The following FMN1 variants were observed in gnomAD, a reference collection of about 807,000 sequenced individuals.
The protein encoded by FMN1 is formin-1.
FMN1 carries 110 observed loss-of-function variants against 132.4 expected under a neutral mutation model. That is an observed-to-expected ratio of 0.83 (90% CI 0.71 to 0.97). The LOEUF (loss-of-function observed/expected upper bound fraction) is 0.97, where lower values mean the gene tolerates loss of function less well. Among genes scored for constraint, FMN1 ranks in the 50% least tolerant of loss-of-function variants. FMN1 has a pLI of 0.00. For missense variants in FMN1, 1,792 were observed against 1,705.3 expected, an observed-to-expected ratio of 1.05 and a Z score of -0.90; for synonymous variants, 722 against 651.7, an observed-to-expected ratio of 1.11 and a Z score of -1.64.
At position 33,192,075 on chromosome 15, in the gene FMN1, A is replaced by G. The variant is rs1175199296; in HGVS notation, c.-197+1834T>C. Among the ~76,000 whole-genome samples the G allele has an allele frequency of 2.6e-5, 4 of 152,264 alleles. 1 individual carries two copies. The highest frequency in any genetic ancestry group is 2.0e-4 in the Admixed American group (3 of 15,290). On this transcript the variant is annotated intron_variant, in intron 2 of 20. Coordinates refer to ENST00000616417, the MANE Select transcript of FMN1 (RefSeq NM_001277313.2). ...CATCACTGCAAGATATGAAATATCCATTATGAACTTTTACACTGATACGAA... is the reference window on the plus strand; with the variant it reads ...CATCACTGCAAGATATGAAATATCCGTTATGAACTTTTACACTGATACGAA...
chr15:33,140,831 T>C (rs974434423), intron 4 of FMN1, among the ~76,000 whole-genome samples: 3 of 152,184 alleles, frequency 2.0e-5, no homozygotes, highest in Non-Finnish European at 4.4e-5. Flanking sequence ...AAAGGTAGAA[T>C]ATAAATTTGA....
chr15:32,997,403 G>A (rs776787575), intron 7 of FMN1, among the ~76,000 whole-genome samples: 1 of 150,724 alleles, frequency 6.6e-6, no homozygotes, highest in Non-Finnish European at 1.5e-5. Flanking sequence ...GACACAGGAC[G>A]AGAGAAAAAA....
At chr15:32,793,753 T>C (rs1189098782) in intron 19 of FMN1, among the ~76,000 whole-genome samples, 1 of 152,206 alleles carries the variant, frequency 6.6e-6, no homozygotes, top group Non-Finnish European at 1.5e-5. Context: ...AGCTCTTTAG[T>C]GGTTAAATGA....
intron 6 of FMN1, among the ~76,000 whole-genome samples, chr15:33,014,336 G>A (rs12899665): frequency 0.11 from 17,377 of 152,238 alleles, 1,175 homozygotes; most frequent in Middle Eastern, 0.19. Context: ...GGAGGCAGAG[G>A]TGTCAACTCA....
chr15:32,866,957 G>T (rs908199972), intron 16 of FMN1, among the ~76,000 whole-genome samples: 1 of 152,136 alleles, frequency 6.6e-6, no homozygotes, highest in Non-Finnish European at 1.5e-5. Flanking sequence ...AAGTTCTCTA[G>T]GGTTTGGCAT....
intron 4 of FMN1, among the ~76,000 whole-genome samples, chr15:33,116,186 G>T (rs75833178): frequency 6.6e-6 from 1 of 152,264 alleles, no homozygotes; most frequent in South Asian, 2.1e-4. Flanking sequence ...ACAGAAAAAA[G>T]ATGTAAACGT....
intron 7 of FMN1, among the ~76,000 whole-genome samples, chr15:33,006,267 G>A (rs1448625624): frequency 6.6e-6 from 1 of 152,002 alleles, no homozygotes; most frequent in Non-Finnish European, 1.5e-5. Flanking sequence ...ACATACAAAA[G>A]GGTCAACCAA....
intron 4 of FMN1, among the ~76,000 whole-genome samples, chr15:33,137,851 A>G (rs1220463712): frequency 6.6e-6 from 1 of 152,144 alleles, no homozygotes; most frequent in Admixed American, 6.5e-5. Flanking sequence ...GTTACAAGGC[A>G]CAGTCATGAA....
chr15:32,916,849 A>C (rs2060696667), intron 10 of FMN1, among the ~76,000 whole-genome samples: 1 of 152,202 alleles, frequency 6.6e-6, no homozygotes, highest in Admixed American at 6.5e-5. Context: ...GGTATTTTTC[A>C]GAACTCGACA....
At chr15:33,191,759 C>G (rs764378615) in intron 2 of FMN1, among the ~76,000 whole-genome samples, 14 of 152,208 alleles carry the variant, frequency 9.2e-5, no homozygotes, top group Non-Finnish European at 1.9e-4. Context: ...AGCACTTCAG[C>G]ACAGACACTA....
chr15:33,134,129 T>C lies in FMN1; in HGVS notation c.1867+18919A>G, dbSNP rs1330700225. 2.0e-5 allele frequency among the ~76,000 whole-genome samples: 3 copies of C among 152,028 alleles called. No homozygotes were observed. In the East Asian group the frequency reaches 5.8e-4, roughly 29 times the overall value. On this transcript the variant is annotated intron_variant, in intron 4 of 20. Coordinates refer to ENST00000616417, the MANE Select transcript of FMN1 (RefSeq NM_001277313.2). The stretch of plus-strand genomic sequence containing the variant: ...TGCCCAGCTAATTTTTTGTATTTTC[T>C]GTAGAGATAGGGTTTTGCCATGCTG...
intron 9 of FMN1, among the ~76,000 whole-genome samples, chr15:32,939,325 T>A (rs2061350203): frequency 6.6e-6 from 1 of 152,004 alleles, no homozygotes; most frequent in Non-Finnish European, 1.5e-5. Context: ...TATATACCCA[T>A]TACCGAAGAA....
At chr15:32,935,143 A>G (rs1192700630) in intron 9 of FMN1, among the ~76,000 whole-genome samples, 2 of 152,078 alleles carry the variant, frequency 1.3e-5, no homozygotes, top group African/African-American at 4.8e-5. Flanking sequence ...GGCTGGTCTC[A>G]AACTCCTGAC....
chr15:32,933,376 G>T (rs968055955), intron 9 of FMN1, among the ~76,000 whole-genome samples: 6 of 152,108 alleles, frequency 3.9e-5, no homozygotes, highest in African/African-American at 1.4e-4. Flanking sequence ...ATTTGTTAAG[G>T]CTTGTTTTCT....
At chr15:33,077,588 C>T (rs1441500942) in intron 5 of FMN1, among the ~76,000 whole-genome samples, 3 of 151,668 alleles carry the variant, frequency 2.0e-5, no homozygotes, top group African/African-American at 7.3e-5. Flanking sequence ...CTGTTCAATT[C>T]CCATCCATGA....
chr15:33,053,482 C>G (rs2037073442), intron 6 of FMN1, among the ~76,000 whole-genome samples: 1 of 152,090 alleles, frequency 6.6e-6, no homozygotes, highest in African/African-American at 2.4e-5. Flanking sequence ...GACGGGGTGC[C>G]CCTGCTGCAA....
At chr15:33,093,958 C>A (rs189228900) in intron 4 of FMN1, among the ~76,000 whole-genome samples, 172 of 152,266 alleles carry the variant, frequency 1.1e-3, no homozygotes, top group African/African-American at 3.9e-3. Flanking sequence ...TTGAGAGAAC[C>A]AAAACCCATG....
chr15:32,938,439 G>A (rs1245151818), intron 9 of FMN1, among the ~76,000 whole-genome samples: 2 of 152,156 alleles, frequency 1.3e-5, no homozygotes. Context: ...TGAGGCATGA[G>A]AATTGCTTGA....
At chr15:32,809,301 G>A (rs1053105774) in intron 17 of FMN1, among the ~76,000 whole-genome samples, 2 of 152,086 alleles carry the variant, frequency 1.3e-5, no homozygotes, top group African/African-American at 2.4e-5. Context: ...GCTCTATATG[G>A]TGACCTGTAA....
Sources: allele counts gnomAD v4.1 joint callset (sites outside exome capture counted in the v4.1 genomes callset), GRCh38; gene constraint gnomAD v4.1.1; transcripts MANE v1.5; gene names NCBI Gene and HGNC (gene_info 2026-07-23, HGNC 2026-07-21).